ZBTB38: variants seen among roughly 807,000 people sequenced by gnomAD.
ZBTB38 encodes zinc finger and BTB domain-containing protein 38.
In ZBTB38, 20 loss-of-function variants were observed where a neutral mutation model predicts 76.8. The observed-to-expected ratio is 0.26, with a 90% CI of 0.18 to 0.38. ZBTB38 has a LOEUF of 0.38. ZBTB38 is among the 10% of genes least tolerant of loss of function. The pLI, the probability that ZBTB38 is intolerant of heterozygous loss-of-function variation, is 1.00. For synonymous variants in ZBTB38, 504 were observed against 544.2 expected (o/e 0.93, Z 1.03); for missense variants, 1,082 against 1,482.3 (o/e 0.73, Z 4.43).
At chr3:141,332,645 T>A (rs2148884518) in intron 1 of ZBTB38, among the ~76,000 whole-genome samples, 1 of 152,336 alleles carries the variant, frequency 6.6e-6, no homozygotes, top group Non-Finnish European at 1.5e-5. Flanking sequence ...TCTGCCGCCC[T>A]GAGCAATGCC....
At chr3:141,335,965 AATTGAAGGGGAAAAT>A (rs1202627103) in intron 1 of ZBTB38, among the ~76,000 whole-genome samples, 6 of 152,194 alleles carry the variant, frequency 3.9e-5, no homozygotes, top group African/African-American at 7.2e-5. Context: ...AAGGGTATGA[AATTGAAGGGGAAAAT>A]ATCATATATT....
chr3:141,429,247 G>T (rs1466810684), intron 5 of ZBTB38, among the ~76,000 whole-genome samples: 2 of 152,030 alleles, frequency 1.3e-5, no homozygotes, highest in African/African-American at 4.8e-5. Context: ...CCTTTTGGGG[G>T]ATGGTGAGTG....
intron 1 of ZBTB38, among the ~76,000 whole-genome samples, chr3:141,352,238 A>G (rs1369437242): frequency 6.6e-6 from 1 of 152,106 alleles, no homozygotes; most frequent in Non-Finnish European, 1.5e-5. Flanking sequence ...CTGCTATTTC[A>G]TGCAGAAACC....
At chr3:141,441,450 T>C (rs1218523512) in intron 5 of ZBTB38, among the ~76,000 whole-genome samples, 1 of 152,230 alleles carries the variant, frequency 6.6e-6, no homozygotes, top group African/African-American at 2.4e-5. Flanking sequence ...TTGCCTTCAG[T>C]ACCTGACAGT....
chr3:141,424,690 G>A (rs2076069931), intron 5 of ZBTB38, among the ~76,000 whole-genome samples: 2 of 152,004 alleles, frequency 1.3e-5, no homozygotes. Context: ...ACATGTAACT[G>A]CTGTCTGAAT....
At chr3:141,441,612 CCTTATGAGCCACAAATTAGGAAGGG>C (rs1434552408) in intron 5 of ZBTB38, among the ~76,000 whole-genome samples, 1 of 152,148 alleles carries the variant, frequency 6.6e-6, no homozygotes, top group Non-Finnish European at 1.5e-5. Context: ...AGAGATTGAC[CCTTATGAGCCACAAATTAGGAAGGG>C]CTCCTTCAGT....
chr3:141,379,403 A>G (rs1945875066), intron 2 of ZBTB38, among the ~76,000 whole-genome samples: 1 of 152,192 alleles, frequency 6.6e-6, no homozygotes, highest in African/African-American at 2.4e-5. Flanking sequence ...TCTATGCGGC[A>G]TCCTGTCCGG....
chr3:141,342,415 A>G (rs549873597), intron 1 of ZBTB38, among the ~76,000 whole-genome samples: 107 of 147,150 alleles, frequency 7.3e-4, no homozygotes, highest in African/African-American at 2.7e-3. Flanking sequence ...AAAAAAAGTA[A>G]CAATGGTTAA....
chr3:141,327,653 T>G (rs974810930), intron 1 of ZBTB38, among the ~76,000 whole-genome samples: 4 of 152,150 alleles, frequency 2.6e-5, no homozygotes, highest in Admixed American at 2.6e-4. Context: ...AGTTAAAAAC[T>G]AAGGAAACTG....
At chr3:141,363,670 A>G (rs921369605), upstream of ZBTB38, among the ~76,000 whole-genome samples, 3 of 152,290 alleles carry the variant, frequency 2.0e-5, no homozygotes, top group East Asian at 5.8e-4. Flanking sequence ...TTTATTTTAG[A>G]ATAGTTTTTT....
chr3:141,362,877 G>A (rs1943860096), intron 1 of ZBTB38, among the ~76,000 whole-genome samples: 1 of 152,110 alleles, frequency 6.6e-6, no homozygotes, highest in African/African-American at 2.4e-5. Context: ...GGTTTCTTGG[G>A]CTGCAACCCT....
intron 5 of ZBTB38, chr3:141,434,125 G>A (rs1477363673): frequency 2.2e-6 from 2 of 892,914 alleles, no homozygotes; most frequent in Non-Finnish European, 2.7e-6. Context: ...AGATATAAAT[G>A]TGAACAAATG....
At position 141,444,278 on chromosome 3, in the gene ZBTB38, C is replaced by T. The variant is rs901781352; in HGVS notation, c.1890C>T (p.Ala630=). The T allele has an allele frequency of 1.2e-6, 2 of 1,614,242 alleles. No individual in the cohort carries two copies. Among genetic ancestry groups the T allele is most frequent in the South Asian group, 1.1e-5 (1 of 91,080 alleles). ...TAAACACCCTGACCAACAGTCCAGC[C>T]ATCCCATTGGAAACATCTGCATGTC... ...DTVNTLTNSP[A]IPLETSACQD... is the part of the protein sequence containing the mutation. The change falls in exon 6 of 6, where the codon GCC becomes GCT. Residue 630 remains alanine (A), a synonymous_variant. Coordinates refer to ENST00000321464, the MANE Select transcript of ZBTB38 (RefSeq NM_001376113.1). This position sits in a 1 kb window ranked among gnomAD's most constrained non-coding sequence, Gnocchi z 5.1.
chr3:141,432,112 C>T (rs721338), intron 5 of ZBTB38: 22,134 of 985,422 alleles, frequency 0.022, 418 homozygotes, highest in Admixed American at 0.096. Context: ...ACAGCCAGCT[C>T]ACTGAAGCAA....
chr3:141,350,406 C>T (rs1298736465), intron 1 of ZBTB38, among the ~76,000 whole-genome samples: 1 of 152,066 alleles, frequency 6.6e-6, no homozygotes, highest in Non-Finnish European at 1.5e-5. Flanking sequence ...TTTGTATTTG[C>T]CTTTCTGAGC....
intron 5 of ZBTB38, among the ~76,000 whole-genome samples, chr3:141,423,016 TG>T (rs1428754570): frequency 6.6e-6 from 1 of 152,226 alleles, no homozygotes; most frequent in Non-Finnish European, 1.5e-5. Flanking sequence ...GTTAAAAATT[TG>T]GTTTTGCATG....
intron 1 of ZBTB38, among the ~76,000 whole-genome samples, chr3:141,344,232 G>T (rs1387081693): frequency 4.6e-5 from 7 of 152,170 alleles, no homozygotes; most frequent in African/African-American, 1.7e-4. Context: ...GGGTCCCACT[G>T]GGCTAAAATC....
At chr3:141,378,074 A>G (rs1297279892) in intron 2 of ZBTB38, among the ~76,000 whole-genome samples, 1 of 151,930 alleles carries the variant, frequency 6.6e-6, no homozygotes, top group African/African-American at 2.4e-5. Flanking sequence ...GCTACTTGAG[A>G]GGCTGAGATG....
At chr3:141,332,050 C>T (rs1395702627) in intron 1 of ZBTB38, among the ~76,000 whole-genome samples, 1 of 152,116 alleles carries the variant, frequency 6.6e-6, no homozygotes. Flanking sequence ...TTTTTCTGAC[C>T]CTTGGCCTTT....
Sources: gnomAD v4.1 joint callset for allele counts (sites outside exome capture counted in the v4.1 genomes callset) on GRCh38, gnomAD v4.1.1 for gene constraint, Gnocchi (gnomAD v3.1) non-coding constraint, MANE v1.5 for transcripts, NCBI Gene and HGNC (gene_info 2026-07-23, HGNC 2026-07-21) for gene names.